The following NKAIN2 variants were observed in gnomAD, a reference collection of about 807,000 sequenced individuals.
NKAIN2 encodes sodium/potassium transporting ATPase interacting 2.
Under a neutral mutation model 32.6 loss-of-function variants are expected in NKAIN2, and 14 were observed. The observed-to-expected ratio is 0.43, with a 90% confidence interval of 0.28 to 0.67. NKAIN2 has a LOEUF of 0.67. Ranked by LOEUF, NKAIN2 falls within the 30% of genes least tolerant of loss-of-function variation. NKAIN2 has a pLI of 0.17. For missense variants in NKAIN2, 198 were observed against 258.3 expected, an observed-to-expected ratio of 0.77 and a Z score of 1.60; for synonymous variants, 80 against 87.2, an observed-to-expected ratio of 0.92 and a Z score of 0.46.
intron 1 of NKAIN2, among the ~76,000 whole-genome samples, chr6:123,967,533 C>T (rs1028498524): frequency 5.3e-5 from 8 of 152,116 alleles, no homozygotes; most frequent in African/African-American, 1.7e-4. Flanking sequence ...TTCATGTCCT[C>T]ATCATATTTC....
chr6:123,974,269 A>G (rs1275939893), intron 1 of NKAIN2, among the ~76,000 whole-genome samples: 1 of 152,078 alleles, frequency 6.6e-6, no homozygotes, highest in Non-Finnish European at 1.5e-5. Context: ...TTTAGAAAGG[A>G]TATTTTCCAT....
intron 3 of NKAIN2, among the ~76,000 whole-genome samples, chr6:124,595,688 C>T (rs1194539776): frequency 3.3e-5 from 5 of 152,076 alleles, no homozygotes; most frequent in Non-Finnish European, 7.4e-5. Flanking sequence ...ATAGGGAACT[C>T]AGCTTCTAAT....
intron 3 of NKAIN2, among the ~76,000 whole-genome samples, chr6:124,459,956 T>G (rs1203722648): frequency 1.3e-5 from 2 of 151,798 alleles, no homozygotes; most frequent in Admixed American, 1.3e-4. Flanking sequence ...TTATTTTCTC[T>G]TGTCCTGACC....
rs542338463 is a variant in NKAIN2 at position 124,165,785 on chromosome 6, C to T, written c.55-117220C>T. On this transcript the variant is annotated intron_variant, in intron 1 of 6. Coordinates refer to ENST00000368417, the MANE Select transcript of NKAIN2 (RefSeq NM_001040214.3). ...TGTGGTGTTTGGTTTTTTGTCCTTG[C>T]GATAGTTTACTGAGAATGATGATTT... 7.2e-3 allele frequency among the ~76,000 whole-genome samples: 1,051 copies of T among 146,740 alleles called. 14 individuals carry two copies. The highest frequency in any genetic ancestry group is 0.038 in the South Asian group (168 of 4,446).
intron 3 of NKAIN2, among the ~76,000 whole-genome samples, chr6:124,637,073 G>A (rs1305343773): frequency 6.6e-6 from 1 of 151,984 alleles, no homozygotes; most frequent in East Asian, 1.9e-4. Flanking sequence ...GGGATGCTAG[G>A]AAATTTCAAC....
intron 1 of NKAIN2, among the ~76,000 whole-genome samples, chr6:124,093,680 C>G (rs974368848): frequency 1.3e-5 from 2 of 152,046 alleles, no homozygotes; most frequent in African/African-American, 4.8e-5. Flanking sequence ...ATGGTCCTAG[C>G]AACATTTACG....
At chr6:124,642,162 A>G (rs1435214222) in intron 3 of NKAIN2, among the ~76,000 whole-genome samples, 1 of 152,182 alleles carries the variant, frequency 6.6e-6, no homozygotes, top group Admixed American at 6.5e-5. Flanking sequence ...TAGTGGGTAG[A>G]TATAAATTTT....
chr6:123,876,626 G>C (rs190908603), intron 1 of NKAIN2, among the ~76,000 whole-genome samples: 70 of 152,274 alleles, frequency 4.6e-4, no homozygotes, highest in African/African-American at 1.6e-3. Flanking sequence ...CTGAAGGCCT[G>C]AAAACAAGGA....
At chr6:124,701,729 G>T (rs550850695) in intron 4 of NKAIN2, among the ~76,000 whole-genome samples, 1 of 128,604 alleles carries the variant, frequency 7.8e-6, no homozygotes, top group South Asian at 2.4e-4. Flanking sequence ...ATCAAAGTTT[G>T]AGTCTTAGTA....
chr6:124,486,878 T>G (rs960158667), intron 3 of NKAIN2, among the ~76,000 whole-genome samples: 1 of 152,072 alleles, frequency 6.6e-6, no homozygotes, highest in Non-Finnish European at 1.5e-5. Context: ...CCTTCATGCA[T>G]CTTCAGTTTT....
intron 1 of NKAIN2, among the ~76,000 whole-genome samples, chr6:124,157,983 A>T (rs1481377079): frequency 2.6e-5 from 4 of 152,224 alleles, no homozygotes; most frequent in Admixed American, 6.5e-5. Flanking sequence ...AGTTTTGTGC[A>T]AAAGTCTAAA....
chr6:124,800,483 G>A (rs920352907), intron 5 of NKAIN2, among the ~76,000 whole-genome samples: 2 of 152,344 alleles, frequency 1.3e-5, no homozygotes, highest in South Asian at 4.1e-4. Context: ...GCGTTGTGTG[G>A]CAGGGAGTGA....
chr6:124,692,977 G>A (rs1774332078), intron 4 of NKAIN2, among the ~76,000 whole-genome samples: 1 of 152,200 alleles, frequency 6.6e-6, no homozygotes, highest in African/African-American at 2.4e-5. Context: ...ACTCATCACA[G>A]TGAACATTAT....
chr6:123,965,618 C>A (rs976571856), intron 1 of NKAIN2, among the ~76,000 whole-genome samples: 2 of 152,138 alleles, frequency 1.3e-5, no homozygotes, highest in African/African-American at 4.8e-5. Flanking sequence ...GCTTTATTTC[C>A]AAAACCCCAC....
At chr6:124,791,224 T>C in intron 4 of NKAIN2, 115 bp from the exon 5 acceptor site, 1 of 638,690 alleles carries the variant, frequency 1.6e-6, no homozygotes, top group Non-Finnish European at 2.9e-6. Context: ...ATGAGCCATG[T>C]TGGTTGGAGC....
chr6:123,977,717 C>A (rs1332899729), intron 1 of NKAIN2, among the ~76,000 whole-genome samples: 1 of 152,160 alleles, frequency 6.6e-6, no homozygotes, highest in Non-Finnish European at 1.5e-5. Context: ...CATTCTTGGG[C>A]AGTCAGAACA....
chr6:124,547,269 T>C (rs1486187931), intron 3 of NKAIN2, among the ~76,000 whole-genome samples: 4 of 152,174 alleles, frequency 2.6e-5, no homozygotes, highest in African/African-American at 7.2e-5. Flanking sequence ...TGTTAAAATA[T>C]CACCAGGTTT....
At chr6:124,074,213 G>A (rs536861748) in intron 1 of NKAIN2, among the ~76,000 whole-genome samples, 59 of 152,244 alleles carry the variant, frequency 3.9e-4, no homozygotes, top group Non-Finnish European at 5.9e-4. Context: ...GTGACTCAGC[G>A]TTCAGGGTTT....
At chr6:124,215,659 T>A (rs1450344503) in intron 1 of NKAIN2, among the ~76,000 whole-genome samples, 3 of 152,194 alleles carry the variant, frequency 2.0e-5, no homozygotes, top group African/African-American at 7.2e-5. Context: ...TATACCTAAC[T>A]GTCATAAGAG....
Sources: gnomAD v4.1 joint callset for allele counts (sites outside exome capture counted in the v4.1 genomes callset) on GRCh38, gnomAD v4.1.1 for gene constraint, MANE v1.5 for transcripts, NCBI Gene and HGNC (gene_info 2026-07-23, HGNC 2026-07-21) for gene names.